RAB40B: variants seen among roughly 807,000 people sequenced by gnomAD.
The protein encoded by RAB40B is ras-related protein Rab-40B.
Under a neutral mutation model 24.0 loss-of-function variants are expected in RAB40B, and 21 were observed. The ratio of observed to expected loss-of-function variants is 0.88; its 90% confidence interval spans 0.62 to 1.26. The LOEUF (loss-of-function observed/expected upper bound fraction) is 1.26. RAB40B is among the 50% of genes most tolerant of loss of function. The pLI is 0.00. For synonymous variants in RAB40B, 167 were observed against 169.8 expected (o/e 0.98, Z 0.13); for missense variants, 348 against 390.5 (o/e 0.89, Z 0.92).
At chr17:82,687,723 G>A (rs1009297756) in intron 1 of RAB40B, among the ~76,000 whole-genome samples, 3 of 152,112 alleles carry the variant, frequency 2.0e-5, no homozygotes, top group Admixed American at 6.6e-5. Context: ...CAGGGTTCCT[G>A]GAAAACCAGC....
chr17:82,675,225 AATG>A lies in RAB40B; in HGVS notation c.143-10672_143-10670del, dbSNP rs2046383949. On this transcript the variant is annotated intron_variant, in intron 1 of 5. Transcript: ENST00000571995. The surrounding 1 kb of genome is among the most constrained non-coding windows in gnomAD (Gnocchi z 4.5). ...TGGAAATAAAATCGAACTCAGTGAT[AATG>A]ATTTCATTATTCACCATCATGACCA... Among the ~76,000 whole-genome samples, 1 of 152,220 alleles carries A rather than the reference AATG, an allele frequency of 6.6e-6. No homozygotes were observed. The highest frequency in any genetic ancestry group is 1.5e-5 in the Non-Finnish European group (1 of 68,044).
At chr17:82,694,845 AT>A (rs1164332963) in intron 1 of RAB40B, among the ~76,000 whole-genome samples, 1 of 151,716 alleles carries the variant, frequency 6.6e-6, no homozygotes, top group African/African-American at 2.4e-5. Flanking sequence ...ATATCTCTAC[AT>A]TGTTCAAAGA....
At chr17:82,680,868 A>G (rs1283973852) in intron 1 of RAB40B, among the ~76,000 whole-genome samples, 2 of 152,024 alleles carry the variant, frequency 1.3e-5, no homozygotes, top group Non-Finnish European at 2.9e-5. Flanking sequence ...CGTCTCTACT[A>G]AAAATACAAA....
At chr17:82,683,650 T>C (rs2046466463) in intron 1 of RAB40B, among the ~76,000 whole-genome samples, 1 of 151,806 alleles carries the variant, frequency 6.6e-6, no homozygotes, top group Non-Finnish European at 1.5e-5. Flanking sequence ...AAACTTTTCT[T>C]TTTTTAATTA....
intron 5 of RAB40B, 70 bp downstream of exon 5, chr17:82,658,421 C>A: frequency 5.9e-6 from 9 of 1,538,346 alleles, no homozygotes; most frequent in Non-Finnish European, 8.0e-6. Flanking sequence ...AGACACTTAT[C>A]CAGGGGGCCG....
At chr17:82,659,678 T>TCAG (rs773482878) in intron 3 of RAB40B, 21 bp from the exon 4 acceptor site, 1 of 1,609,456 alleles carries the variant, frequency 6.2e-7, no homozygotes, top group Non-Finnish European at 8.5e-7. Context: ...GGTCACAGGC[T>TCAG]CAGCACGCAG....
intron 1 of RAB40B, among the ~76,000 whole-genome samples, chr17:82,668,518 C>T (rs1293530745): frequency 6.6e-6 from 1 of 152,272 alleles, no homozygotes; most frequent in African/African-American, 2.4e-5. Flanking sequence ...CCTCAGCTTC[C>T]CTCCCATGTT....
At chr17:82,669,312 C>T (rs529334413) in intron 1 of RAB40B, among the ~76,000 whole-genome samples, 140 of 152,066 alleles carry the variant, frequency 9.2e-4, no homozygotes, top group Non-Finnish European at 1.7e-3. Flanking sequence ...CTTGTCTCTG[C>T]TAAAAATACG....
intron 3 of RAB40B, among the ~76,000 whole-genome samples, chr17:82,659,973 T>C (rs1235528967): frequency 6.6e-6 from 1 of 152,200 alleles, no homozygotes; most frequent in African/African-American, 2.4e-5. Flanking sequence ...CCTGGATGGA[T>C]TGCACGCATA....
intron 1 of RAB40B, among the ~76,000 whole-genome samples, chr17:82,683,152 C>G (rs2046462627): frequency 1.3e-5 from 2 of 151,918 alleles, no homozygotes; most frequent in Non-Finnish European, 2.9e-5. Flanking sequence ...CAAAAACAAA[C>G]AAAGAAACAA....
At chr17:82,679,438 C>T (rs1446554989) in intron 1 of RAB40B, among the ~76,000 whole-genome samples, 7 of 151,678 alleles carry the variant, frequency 4.6e-5, no homozygotes, top group South Asian at 2.1e-4. Context: ...CCTGCCACCA[C>T]GCCCAGCTAA....
intron 1 of RAB40B, among the ~76,000 whole-genome samples, chr17:82,689,551 G>T (rs2046534825): frequency 6.6e-6 from 1 of 152,228 alleles, no homozygotes; most frequent in Non-Finnish European, 1.5e-5. Context: ...GCGAGGTGGG[G>T]CCGAATTGAG....
intron 4 of RAB40B, chr17:82,659,340 G>A (rs916824744): frequency 3.8e-5 from 20 of 529,272 alleles, no homozygotes; most frequent in East Asian, 1.6e-4. Context: ...GCCGAGGTAC[G>A]CCGTGGACGC....
In RAB40B at chr17:82,671,642, C is replaced by T. The variant is rs536662872; in HGVS notation, c.143-7086G>A. ...CACAGCTCACCCCGTAACTCTAACA[C>T]ACACACTCACACCCTGTACTCACTG... is the stretch of plus-strand genomic sequence containing the variant. On this transcript the variant is annotated intron_variant, in intron 1 of 5. Transcript: ENST00000571995. Among the ~76,000 whole-genome samples, 202 of 69,466 alleles carry T rather than the reference C, an allele frequency of 2.9e-3. 1 individual carries two copies. Among genetic ancestry groups the T allele is most frequent in the African/African-American group, 9.7e-3 (196 of 20,192 alleles). The allele number at this position is 69,466 out of a possible 152,430, so 45.6% of individuals were successfully genotyped here.
chr17:82,672,287 A>C, intron 1 of RAB40B, among the ~76,000 whole-genome samples: 2 of 121,486 alleles, frequency 1.6e-5, no homozygotes, highest in Non-Finnish European at 1.7e-5. Context: ...ACTCTAACAC[A>C]CAAACTCACA....
At chr17:82,665,877 A>G (rs2046248989) in intron 1 of RAB40B, among the ~76,000 whole-genome samples, 1 of 142,606 alleles carries the variant, frequency 7.0e-6, no homozygotes, top group Non-Finnish European at 1.6e-5. Flanking sequence ...AAAACAAACA[A>G]CAAGAACAAC....
In RAB40B at chr17:82,659,583, A is replaced by G. The variant is rs1261115465; in HGVS notation, c.339T>C (p.Asp113=). Residue 113 remains aspartate (D), a synonymous_variant, in exon 4 of 6, where the codon GAT becomes GAC. Coordinates refer to ENST00000571995, the MANE Select transcript of RAB40B (RefSeq NM_006822.3). ...CAGTGGCATTTCTACAACATACCTC[A>G]TCGATCTCCTTAATCCATCGATCAA... ...DGIDRWIKEI[D]EHAPGVPKIL... The G allele has an allele frequency of 1.5e-5, 25 of 1,613,916 alleles. No individual in the cohort carries two copies. Among genetic ancestry groups the G allele is most frequent in the Non-Finnish European group, 2.1e-5 (25 of 1,179,972 alleles).
At chr17:82,680,365 G>A (rs976431653) in intron 1 of RAB40B, among the ~76,000 whole-genome samples, 27 of 152,318 alleles carry the variant, frequency 1.8e-4, no homozygotes, top group African/African-American at 6.0e-4. Flanking sequence ...GGCTCTGGGC[G>A]GGGCCGCTCG....
At chr17:82,659,684 C>A in intron 3 of RAB40B, 27 bp from the exon 4 acceptor site, 2 of 1,599,414 alleles carry the variant, frequency 1.3e-6, no homozygotes, top group Non-Finnish European at 1.7e-6. Context: ...AGGCTCAGCA[C>A]GCAGAACACA....
Sources: gnomAD v4.1 joint callset for allele counts (sites outside exome capture counted in the v4.1 genomes callset) on GRCh38, gnomAD v4.1.1 for gene constraint, Gnocchi (gnomAD v3.1) non-coding constraint, MANE v1.5 for transcripts, NCBI Gene and HGNC (gene_info 2026-07-23, HGNC 2026-07-21) for gene names.